MBOAT1: variants seen among roughly 807,000 people sequenced by gnomAD.
MBOAT1 encodes membrane bound glycerophospholipid O-acyltransferase 1, also known as membrane-bound glycerophospholipid O-acyltransferase 1.
MBOAT1 carries 67 observed loss-of-function variants against 64.4 expected under a neutral mutation model. The ratio of observed to expected loss-of-function variants is 1.04; its 90% CI spans 0.85 to 1.27. The LOEUF is 1.27. MBOAT1 is among the 50% of genes most tolerant of loss of function. The pLI, the probability that MBOAT1 is intolerant of heterozygous loss-of-function variation, is 0.00. For synonymous variants in MBOAT1, 229 were observed against 218.9 expected (o/e 1.05, Z -0.41); for missense variants, 563 against 604.6 (o/e 0.93, Z 0.72).
At chr6:20,158,482 CAT>C (rs2113705661) in intron 1 of MBOAT1, among the ~76,000 whole-genome samples, 1 of 152,264 alleles carries the variant, frequency 6.6e-6, no homozygotes, top group South Asian at 2.1e-4. Flanking sequence ...TAGAAGAAAA[CAT>C]AGGCGAAAAC....
At chr6:20,189,090 T>C (rs1250913369) in intron 1 of MBOAT1, among the ~76,000 whole-genome samples, 1 of 152,158 alleles carries the variant, frequency 6.6e-6, no homozygotes, top group African/African-American at 2.4e-5. Context: ...AAGATCCTGA[T>C]GGTGATCACC....
chr6:20,103,948 C>A (rs1275962066), intron 12 of MBOAT1, among the ~76,000 whole-genome samples: 1 of 152,218 alleles, frequency 6.6e-6, no homozygotes, highest in Non-Finnish European at 1.5e-5. Flanking sequence ...CACTCACTCA[C>A]TGACTCACCC....
chr6:20,102,269 C>A lies in MBOAT1; in HGVS notation c.*17G>T. 6.2e-7 allele frequency: 1 copy of A among 1,609,812 alleles called. No individual in the cohort carries two copies. Among genetic ancestry groups the A allele is most frequent in the Non-Finnish European group, 8.5e-7 (1 of 1,178,414 alleles). On this transcript the variant is annotated 3_prime_UTR_variant, in exon 13 of 13. Transcript: ENST00000324607. ...GAACGTTCTGCAGTTTTGCTTGTTC[C>A]GCTTCTCTTGGAGGTATCAATCTGT...
Position 20,140,679 on chromosome 6 carries a change from T to C in MBOAT1, c.419+3541A>G, listed in dbSNP as rs550357558. On this transcript the variant is annotated intron_variant, in intron 4 of 12. Transcript: ENST00000324607. ...CTCAGGCCTTCAGCCTCAGACTGAA[T>C]CATACCACCAGCTTTTCTGGATCTC... Among the ~76,000 whole-genome samples the C allele has an allele frequency of 1.1e-4, 16 of 152,310 alleles. 2 individuals are homozygous for C. In the South Asian group the frequency reaches 3.1e-3, roughly 30 times the overall value.
intron 1 of MBOAT1, among the ~76,000 whole-genome samples, chr6:20,188,797 T>C (rs1235317521): frequency 2.0e-5 from 3 of 152,156 alleles, no homozygotes; most frequent in Non-Finnish European, 2.9e-5. Context: ...GGCCAGTCAC[T>C]TGTGTAGTCT....
chr6:20,137,244 TACA>T (rs965042967), intron 4 of MBOAT1, among the ~76,000 whole-genome samples: 10 of 152,326 alleles, frequency 6.6e-5, no homozygotes, highest in Middle Eastern at 3.4e-3. Context: ...TCACAGTGTT[TACA>T]ACAACATGTG....
chr6:20,110,738 T>C (rs1760113564), intron 11 of MBOAT1, among the ~76,000 whole-genome samples: 2 of 152,184 alleles, frequency 1.3e-5, no homozygotes, highest in African/African-American at 4.8e-5. Flanking sequence ...GCTCATTTTT[T>C]CATTTAGTAA....
At chr6:20,151,321 T>C (rs1761488071) in intron 2 of MBOAT1, 59 bp from the exon 3 acceptor site, 5 of 1,252,874 alleles carry the variant, frequency 4.0e-6, no homozygotes, top group Non-Finnish European at 3.5e-6. Context: ...AACACAGCTA[T>C]TGGTCACCAA....
At chr6:20,153,550 A>G (rs537908734) in intron 1 of MBOAT1, among the ~76,000 whole-genome samples, 1 of 152,332 alleles carries the variant, frequency 6.6e-6, no homozygotes, top group African/African-American at 2.4e-5. Flanking sequence ...ACGTTCCCTG[A>G]TACTGGTACT....
chr6:20,116,953 A>G (rs1363297962), intron 9 of MBOAT1, among the ~76,000 whole-genome samples: 2 of 152,194 alleles, frequency 1.3e-5, no homozygotes, highest in Non-Finnish European at 2.9e-5. Flanking sequence ...TCTTAGTGGG[A>G]AAAAGGGGAA....
At chr6:20,189,201 C>T (rs1171126578) in intron 1 of MBOAT1, among the ~76,000 whole-genome samples, 3 of 152,284 alleles carry the variant, frequency 2.0e-5, no homozygotes, top group Middle Eastern at 3.4e-3. Flanking sequence ...TGATCATTTC[C>T]ATCTACCTGG....
At chr6:20,147,085 T>C (rs1581422538) in intron 3 of MBOAT1, among the ~76,000 whole-genome samples, 1 of 152,218 alleles carries the variant, frequency 6.6e-6, no homozygotes. Context: ...CTACACAAGT[T>C]CTCTCTTGCC....
At chr6:20,176,284 TA>T (rs5874754) in intron 1 of MBOAT1, among the ~76,000 whole-genome samples, 268 of 148,590 alleles carry the variant, frequency 1.8e-3, no homozygotes, top group South Asian at 8.1e-3. Flanking sequence ...ACCCTGTCTT[TA>T]AAAAAAAAAA....
At chr6:20,167,176 C>G (rs1762039535) in intron 1 of MBOAT1, among the ~76,000 whole-genome samples, 1 of 152,124 alleles carries the variant, frequency 6.6e-6, no homozygotes, top group South Asian at 2.1e-4. Flanking sequence ...TTTACTCAAC[C>G]GTTCTGCAAC....
At chr6:20,181,668 G>A (rs1762513538) in intron 1 of MBOAT1, among the ~76,000 whole-genome samples, 1 of 152,198 alleles carries the variant, frequency 6.6e-6, no homozygotes, top group Non-Finnish European at 1.5e-5. Context: ...TACACATAAG[G>A]CGGCCTCGGT....
At chr6:20,177,671 G>A (rs956027557) in intron 1 of MBOAT1, among the ~76,000 whole-genome samples, 1 of 151,814 alleles carries the variant, frequency 6.6e-6, no homozygotes, top group African/African-American at 2.4e-5. Context: ...CTACTCGGGA[G>A]GCTGAGGCAG....
chr6:20,201,266 T>G (rs571791002), intron 1 of MBOAT1, among the ~76,000 whole-genome samples: 29 of 149,028 alleles, frequency 1.9e-4, no homozygotes, highest in South Asian at 4.4e-4. Flanking sequence ...GAAAGGAAGT[T>G]CAAAAGTCAC....
rs75707634 is a variant in MBOAT1 at position 20,102,205 on chromosome 6, C to T, written c.*81G>A. On this transcript the variant is annotated 3_prime_UTR_variant, in exon 13 of 13. Coordinates refer to ENST00000324607, the MANE Select transcript of MBOAT1 (RefSeq NM_001080480.3). ...ATGCATGTAAACATCGCCTCTAAGC[C>T]ACCGGAGGAGCCCTTGAAGCCTTGT... is the stretch of plus-strand genomic sequence containing the variant. 2,388 of 1,459,274 alleles carry T rather than the reference C, an allele frequency of 1.6e-3. 34 individuals are homozygous for T. In the African/African-American group the frequency reaches 0.03, roughly 18 times the overall value. The allele number at this position is 1,459,274 out of a possible 1,614,324, so 90.4% of individuals were successfully genotyped here. A position where few individuals can be genotyped will look rare whatever the true frequency, so the allele number is the denominator to read the frequency against.
At position 20,101,554 on chromosome 6, in the gene MBOAT1, T is replaced by G. The variant is rs919033165; in HGVS notation, c.*732A>C. Among the ~76,000 whole-genome samples the G allele has an allele frequency of 6.6e-6, 1 of 152,178 alleles. No individual in the cohort carries two copies. The highest frequency in any genetic ancestry group is 1.5e-5 in the Non-Finnish European group (1 of 68,036). On this transcript the variant is annotated 3_prime_UTR_variant, in exon 13 of 13. Coordinates refer to ENST00000324607, the MANE Select transcript of MBOAT1 (RefSeq NM_001080480.3). Reference sequence around the variant, plus strand: ...TCTGGGGCTTCCCAGGGAACCACTATGACTGAGTATATTCTGATTTGAGAA... The same window carrying G: ...TCTGGGGCTTCCCAGGGAACCACTAGGACTGAGTATATTCTGATTTGAGAA...
Sources: allele counts gnomAD v4.1 joint callset (sites outside exome capture counted in the v4.1 genomes callset), GRCh38; gene constraint gnomAD v4.1.1; transcripts MANE v1.5; gene names NCBI Gene and HGNC (gene_info 2026-07-23, HGNC 2026-07-21).